SEC23A: variants seen among roughly 807,000 people sequenced by gnomAD.
SEC23A encodes the protein SEC23 homolog A, COPII component.
In SEC23A, 56 loss-of-function variants were observed where a neutral mutation model predicts 103.7. The observed-to-expected ratio is 0.54, with a 90% confidence interval of 0.44 to 0.67. The LOEUF (loss-of-function observed/expected upper bound fraction) is 0.67, where lower values mean the gene tolerates loss of function less well. Among genes scored for constraint, SEC23A ranks in the 30% least tolerant of loss-of-function variants. The pLI, the probability that SEC23A is intolerant of heterozygous loss-of-function variation, is 0.00. For synonymous variants in SEC23A, 281 were observed against 293.0 expected (o/e 0.96, Z 0.42); for missense variants, 784 against 936.4 (o/e 0.84, Z 2.12).
At chr14:39,102,301 ACT>A (rs1291581569) in intron 1 of SEC23A, among the ~76,000 whole-genome samples, 1 of 152,204 alleles carries the variant, frequency 6.6e-6, no homozygotes, top group Non-Finnish European at 1.5e-5. Flanking sequence ...GAGAAGGAAA[ACT>A]CAACATGCAT....
At position 39,061,769 on chromosome 14, in the gene SEC23A, T is replaced by C; in HGVS notation, c.1501A>G (p.Arg501Gly). 6.2e-7 allele frequency: 1 copy of C among 1,605,754 alleles called. No individual in the cohort carries two copies. Among genetic ancestry groups the C allele is most frequent in the South Asian group, 1.1e-5 (1 of 90,890 alleles). ...QRRIRVTTIA[R>G]NWADAQTQIQ... ...TCTCTAACAAATACAACTTACTTCC[T>C]AGCAATGGTGGTCACTCGGATGCGT... Residue 501 changes from arginine (R) to glycine (G), a missense_variant, in exon 13 of 20, where the codon AGG becomes GGG. By Grantham distance (125) the Arg-to-Gly change is moderately radical (BLOSUM62 -2). Around this residue, in one of 2 missense-constraint regions of SEC23A, gnomAD observed 683 missense variants for 774.2 expected, o/e 0.88. Transcript: ENST00000307712.
chr14:39,052,526 C>T (rs1375398790), intron 14 of SEC23A, among the ~76,000 whole-genome samples: 1 of 152,086 alleles, frequency 6.6e-6, no homozygotes, highest in Admixed American at 6.6e-5. Context: ...GGACAGTAAT[C>T]CAAGTTGTAC....
chr14:39,069,632 G>T (rs1473639984), intron 9 of SEC23A, among the ~76,000 whole-genome samples: 1 of 151,666 alleles, frequency 6.6e-6, no homozygotes, highest in East Asian at 1.9e-4. Flanking sequence ...GCCAATTTTT[G>T]TATTTTTGGT....
At chr14:39,062,919 T>C (rs1886529284) in intron 12 of SEC23A, among the ~76,000 whole-genome samples, 2 of 152,192 alleles carry the variant, frequency 1.3e-5, no homozygotes, top group Non-Finnish European at 2.9e-5. Context: ...TTTTGACATA[T>C]TAGACCTTCT....
intron 16 of SEC23A, among the ~76,000 whole-genome samples, chr14:39,044,604 A>G (rs1271900860): frequency 6.6e-6 from 1 of 152,216 alleles, no homozygotes; most frequent in African/African-American, 2.4e-5. Context: ...ACAGAATGGA[A>G]AAATGGTTCA....
At chr14:39,047,006 T>C (rs1292194747) in intron 15 of SEC23A, among the ~76,000 whole-genome samples, 1 of 152,254 alleles carries the variant, frequency 6.6e-6, no homozygotes, top group African/African-American at 2.4e-5. Flanking sequence ...GGCTCTTGCA[T>C]CCCTTACTAC....
chr14:39,049,070 GT>G (rs2139200484), intron 14 of SEC23A, among the ~76,000 whole-genome samples: 1 of 152,126 alleles, frequency 6.6e-6, no homozygotes, highest in East Asian at 1.9e-4. Context: ...GGCTGGCACA[GT>G]GACTGACGCC....
rs1006905511 is a variant in SEC23A at position 39,039,196 on chromosome 14, G to T, written c.2143-100C>A. 9 of 959,140 alleles carry T rather than the reference G, an allele frequency of 9.4e-6. No individual in the cohort carries two copies. In the Admixed American group the frequency reaches 1.7e-4, roughly 18 times the overall value. The allele number at this position is 959,140 out of a possible 1,614,324, so 59.4% of individuals were successfully genotyped here. ...GCAAAATCAATTTTATTTAGTATGT[G>T]TTGGTAAAATTAATTTTATTAACTT... On this transcript the variant is annotated intron_variant, in intron 18 of 19. Coordinates refer to ENST00000307712, the MANE Select transcript of SEC23A (RefSeq NM_006364.4).
At chr14:39,040,155 G>GT (rs1885591183) in intron 18 of SEC23A, 4 of 152,264 alleles carry the variant, frequency 2.6e-5, no homozygotes, top group Admixed American at 2.6e-4. Context: ...TTTTATGAGA[G>GT]TATGTTAAGG....
intron 13 of SEC23A, among the ~76,000 whole-genome samples, chr14:39,060,070 GT>G (rs1225640493): frequency 6.6e-6 from 1 of 151,500 alleles, no homozygotes; most frequent in East Asian, 1.9e-4. Context: ...TTAAGCAAAT[GT>G]TCTGAATGTC....
At chr14:39,096,486 T>C (rs1887897428) in intron 1 of SEC23A, among the ~76,000 whole-genome samples, 1 of 151,742 alleles carries the variant, frequency 6.6e-6, no homozygotes, top group African/African-American at 2.4e-5. Context: ...GCCGAGATCA[T>C]TCCGTTGCAC....
At chr14:39,041,036 G>T (rs1017313064) in intron 17 of SEC23A, 149 bp from the exon 18 acceptor site, 1 of 749,998 alleles carries the variant, frequency 1.3e-6, no homozygotes, top group Non-Finnish European at 2.0e-6. Context: ...TACAATTTCA[G>T]TAGAGAAAAT....
chr14:39,096,681 T>G (rs371305210), intron 1 of SEC23A, among the ~76,000 whole-genome samples: 7 of 152,168 alleles, frequency 4.6e-5, no homozygotes, highest in Non-Finnish European at 8.8e-5. Context: ...TAAAAGATGA[T>G]GGCAAAAAAT....
At chr14:39,091,452 A>G (rs2139287267) in intron 5 of SEC23A, 25 bp downstream of exon 5, 1 of 1,560,396 alleles carries the variant, frequency 6.4e-7, no homozygotes. Flanking sequence ...TCAGATAGGT[A>G]AAAACTACCA....
At position 39,094,387 on chromosome 14, in the gene SEC23A, CACACACACACATATATATATATAT is replaced by C. The variant is rs1237441466; in HGVS notation, c.222-1167_222-1144del. Among the ~76,000 whole-genome samples, 56 of 53,260 alleles carry C rather than the reference CACACACACACATATATATATATAT, an allele frequency of 1.1e-3. 1 individual carries two copies. Among genetic ancestry groups the C allele is most frequent in the Non-Finnish European group, 1.6e-3 (43 of 27,176 alleles). The allele number at this position is 53,260 out of a possible 152,430, so 34.9% of individuals were successfully genotyped here. ...ACATATATATATACACACACACACA[CACACACACACATATATATATATAT>C]ATATATATATATATATATATATATA... On this transcript the variant is annotated intron_variant, in intron 2 of 19. Coordinates refer to ENST00000307712, the MANE Select transcript of SEC23A (RefSeq NM_006364.4).
intron 9 of SEC23A, among the ~76,000 whole-genome samples, chr14:39,070,298 T>C (rs73285796): frequency 0.021 from 3,218 of 152,324 alleles, 120 homozygotes; most frequent in African/African-American, 0.074. Flanking sequence ...TTGACATATC[T>C]AATTGATTTT....
In SEC23A at chr14:39,063,342, A is replaced by G; in HGVS notation, c.1380T>C (p.Tyr460=). 3 of 1,609,038 alleles carry G rather than the reference A, an allele frequency of 1.9e-6. No individual in the cohort carries two copies. Among genetic ancestry groups the G allele is most frequent in the Non-Finnish European group, 2.6e-6 (3 of 1,175,492 alleles). Residue 460 remains tyrosine, a synonymous_variant, in exon 12 of 20, where the codon TAT becomes TAC. Coordinates refer to ENST00000307712, the MANE Select transcript of SEC23A (RefSeq NM_006364.4). ...GLSPTTTLAI[Y]FEVVNQHNAP... is the part of the protein sequence containing the mutation. ...GTCATACCTGATTGACAACCTCAAA[A>G]TATATGGCTAAGGTTGTAGTGGGAC...
intron 1 of SEC23A, among the ~76,000 whole-genome samples, chr14:39,102,526 T>A (rs575147828): frequency 1.3e-5 from 2 of 152,170 alleles, no homozygotes; most frequent in Non-Finnish European, 2.9e-5. Flanking sequence ...CCCAGTGAGA[T>A]AGGGCTGGTC....
chr14:39,049,772 T>C (rs1351568595), intron 14 of SEC23A, among the ~76,000 whole-genome samples: 2 of 147,674 alleles, frequency 1.4e-5, no homozygotes, highest in African/African-American at 5.0e-5. Context: ...AGAGCGAGAT[T>C]CTGTCTCGAA....
Sources: allele counts gnomAD v4.1 joint callset (sites outside exome capture counted in the v4.1 genomes callset), GRCh38; gene constraint gnomAD v4.1.1; regional missense constraint gnomAD v4.1.1; transcripts MANE v1.5; gene names NCBI Gene and HGNC (gene_info 2026-07-23, HGNC 2026-07-21).